Variants in RBSN observed in about 807,000 individuals in gnomAD.
RBSN encodes the protein rabenosyn-5.
A neutral mutation model predicts 60.5 loss-of-function variants in RBSN; 34 were observed. That is an observed-to-expected ratio of 0.56 (90% CI 0.43 to 0.75). RBSN has a LOEUF of 0.75. Ranked by LOEUF, RBSN falls within the 30% of genes least tolerant of loss-of-function variation. The pLI is 0.00. For synonymous variants in RBSN, 322 were observed against 366.9 expected, an observed-to-expected ratio of 0.88 and a Z score of 1.40; for missense variants, 845 against 986.8, an observed-to-expected ratio of 0.86 and a Z score of 1.92.
In RBSN at chr3:15,074,637, C is replaced by G. The variant is rs1309317967; in HGVS notation, c.1500G>C (p.Gln500His). The change falls in exon 14 of 14, where the codon CAG becomes CAC. Residue 500 changes from glutamine (Q) to histidine (H), a missense_variant. By Grantham distance (24) the Gln-to-His change is conservative (BLOSUM62 0). Coordinates refer to ENST00000253699, the MANE Select transcript of RBSN (RefSeq NM_022340.4). This position sits in a 1 kb window ranked among gnomAD's most constrained non-coding sequence, Gnocchi z 6.4. ...RQLQDEYDQQQTEKAIELSRR... is the reference protein window; with the variant it reads ...RQLQDEYDQQHTEKAIELSRR... ...GGGACAGCTCGATGGCCTTCTCTGT[C>G]TGCTGCTGGTCATACTCGTCCTGCA... 2.5e-6 allele frequency: 4 copies of G among 1,614,270 alleles called. No homozygotes were observed. Among genetic ancestry groups the G allele is most frequent in the Non-Finnish European group, 3.4e-6 (4 of 1,180,036 alleles).
At chr3:15,093,216 G>A (rs1485974997) in intron 4 of RBSN, among the ~76,000 whole-genome samples, 5 of 152,186 alleles carry the variant, frequency 3.3e-5, no homozygotes, top group Admixed American at 1.3e-4. Context: ...AAATGGAGAC[G>A]TAATCTGCTT....
Position 15,073,166 on chromosome 3 carries a change from G to A in RBSN, c.*616C>T, listed in dbSNP as rs1041120588. ...CACCCCACCTTAAAAAGAGGTGCTGGGCTCTCCTGGGTCTAAACTCTCCCC... is the reference window on the plus strand; with the variant it reads ...CACCCCACCTTAAAAAGAGGTGCTGAGCTCTCCTGGGTCTAAACTCTCCCC... On this transcript the variant is annotated 3_prime_UTR_variant, in exon 14 of 14. Transcript: ENST00000253699. 6 of 152,514 alleles carry A rather than the reference G, an allele frequency of 3.9e-5. No homozygotes were observed. The highest frequency in any genetic ancestry group is 3.3e-4 in the Admixed American group (5 of 15,270). 9.4% of individuals were successfully genotyped at this position (152,514 alleles called of 1,614,324 possible).
At chr3:15,081,965 T>C (rs1425165596) in intron 9 of RBSN, among the ~76,000 whole-genome samples, 4 of 152,200 alleles carry the variant, frequency 2.6e-5, no homozygotes, top group African/African-American at 9.7e-5. Flanking sequence ...TGTAGAACTT[T>C]CTAAAACTTG....
In RBSN at chr3:15,082,137, CAAG is replaced by C. The variant is rs375698312; in HGVS notation, c.840+227_840+229del. ...ACCAAAGCTTCCACCCACCTGCTTT[CAAG>C]TGGCCAAGGAAGGCCACTTGAAACG... On this transcript the variant is annotated intron_variant, in intron 9 of 13. Coordinates refer to ENST00000253699, the MANE Select transcript of RBSN (RefSeq NM_022340.4). This position sits in a 1 kb window ranked among gnomAD's most constrained non-coding sequence, Gnocchi z 4.2. Among the ~76,000 whole-genome samples, 849 of 152,288 alleles carry C rather than the reference CAAG, an allele frequency of 5.6e-3. 7 individuals carry two copies. The highest frequency in any genetic ancestry group is 0.019 in the African/African-American group (771 of 41,560).
chr3:15,082,446 T>G lies in RBSN; in HGVS notation c.761A>C (p.His254Pro). The G allele has an allele frequency of 6.2e-7, 1 of 1,614,136 alleles. No individual in the cohort carries two copies. The highest frequency in any genetic ancestry group is 8.5e-7 in the Non-Finnish European group (1 of 1,180,018). ...TCTCTTGAGCAGCGTGTCCTTGCAG[T>G]GTGTACAGCAGCGGATCCGGTCATC... ...KDDDRIRCCT[H>P]CKDTLLKREQ... is the part of the protein sequence containing the mutation. Residue 254 changes from histidine to proline, a missense_variant, in exon 9 of 14, where the codon CAC becomes CCC. Physicochemically the swap from His to Pro is moderately conservative, Grantham distance 77 (BLOSUM62 -2). Transcript: ENST00000253699. This position sits in a 1 kb window ranked among gnomAD's most constrained non-coding sequence, Gnocchi z 4.2.
intron 5 of RBSN, among the ~76,000 whole-genome samples, chr3:15,090,089 C>T (rs1357188774): frequency 7.9e-5 from 12 of 152,100 alleles, no homozygotes; most frequent in Non-Finnish European, 1.5e-4. Context: ...CCTGGGCTGA[C>T]GTCAGAGAGA....
chr3:15,085,125 G>A (rs2043305861), intron 6 of RBSN, 80 bp from the exon 7 acceptor site: 2 of 1,510,660 alleles, frequency 1.3e-6, no homozygotes, highest in South Asian at 2.3e-5. Flanking sequence ...CATCAAGTGG[G>A]AAATTAGCAC....
chr3:15,084,105 T>C lies in RBSN; in HGVS notation c.598+630A>G, dbSNP rs1420565575. ...TCTCAAACTAAGTATAATTTTCACA[T>C]TGCTATTTTATTTTATTTATTTATT... is the stretch of plus-strand genomic sequence containing the variant. On this transcript the variant is annotated intron_variant, in intron 8 of 13. Coordinates refer to ENST00000253699, the MANE Select transcript of RBSN (RefSeq NM_022340.4). The surrounding 1 kb of genome is among the most constrained non-coding windows in gnomAD (Gnocchi z 4.2). Among the ~76,000 whole-genome samples the C allele has an allele frequency of 6.6e-6, 1 of 152,120 alleles. No individual in the cohort carries two copies. Among genetic ancestry groups the C allele is most frequent in the African/African-American group, 2.4e-5 (1 of 41,418 alleles).
In RBSN at chr3:15,074,998, C is replaced by T. The variant is rs2043019016; in HGVS notation, c.1207-68G>A. 1 of 1,513,218 alleles carries T rather than the reference C, an allele frequency of 6.6e-7. No homozygotes were observed. The highest frequency in any genetic ancestry group is 1.3e-5 in the South Asian group (1 of 77,890). 93.7% of individuals were successfully genotyped at this position (1,513,218 alleles called of 1,614,324 possible). ...TGGCAGCAGCCCACACTGTCACCCA[C>T]CCTCTGTTGTCCCTCTATCCCTGTG... is the stretch of plus-strand genomic sequence containing the variant. On this transcript the variant is annotated intron_variant, in intron 13 of 13. Coordinates refer to ENST00000253699, the MANE Select transcript of RBSN (RefSeq NM_022340.4). This position sits in a 1 kb window ranked among gnomAD's most constrained non-coding sequence, Gnocchi z 6.4.
chr3:15,085,894 C>T lies in RBSN; in HGVS notation c.357G>A (p.Val119=), dbSNP rs1383756061. The T allele has an allele frequency of 1.9e-6, 3 of 1,613,866 alleles. No homozygotes were observed. Among genetic ancestry groups the T allele is most frequent in the Non-Finnish European group, 2.5e-6 (3 of 1,179,974 alleles). ...ACCTGATTATTAGTTTATTGACTTCCACAACATAGTGGTCAATTCTAGCAG... is the reference window on the plus strand; with the variant it reads ...ACCTGATTATTAGTTTATTGACTTCTACAACATAGTGGTCAATTCTAGCAG... The part of the protein sequence containing the change: ...HRAARIDHYV[V]EVNKLIIRLE... The change falls in exon 6 of 14, where the codon GTG becomes GTA. Residue 119 remains valine (V), a synonymous_variant. Coordinates refer to ENST00000253699, the MANE Select transcript of RBSN (RefSeq NM_022340.4).
chr3:15,074,663 G>C lies in RBSN; in HGVS notation c.1474C>G (p.Leu492Val), dbSNP rs2043006443. The C allele has an allele frequency of 2.5e-6, 4 of 1,614,146 alleles. No individual in the cohort carries two copies. Among genetic ancestry groups the C allele is most frequent in the Non-Finnish European group, 3.4e-6 (4 of 1,180,054 alleles). ...VRTLQENLRQ[L>V]QDEYDQQQTE... ...TGCTGCTGGTCATACTCGTCCTGCAGCTGCCGCAGGTTCTCCTGCAGAGTG... is the reference window on the plus strand; with the variant it reads ...TGCTGCTGGTCATACTCGTCCTGCACCTGCCGCAGGTTCTCCTGCAGAGTG... Residue 492 changes from leucine (L) to valine (V), a missense_variant, in exon 14 of 14, where the codon CTG becomes GTG. Leu to Val is a conservative substitution (Grantham distance 32). Coordinates refer to ENST00000253699, the MANE Select transcript of RBSN (RefSeq NM_022340.4). The surrounding 1 kb of genome is among the most constrained non-coding windows in gnomAD (Gnocchi z 6.4).
At position 15,084,161 on chromosome 3, in the gene RBSN, C is replaced by T. The variant is rs887238822; in HGVS notation, c.598+574G>A. 2.0e-5 allele frequency among the ~76,000 whole-genome samples: 3 copies of T among 152,132 alleles called. No homozygotes were observed. The highest frequency in any genetic ancestry group is 7.2e-5 in the African/African-American group (3 of 41,422). Reference sequence around the variant, plus strand: ...GAGATGGGAGTCTCGCTCGGTCACCCAGGCTGAAGTGCAGTGGCTCAATCT... The same window carrying T: ...GAGATGGGAGTCTCGCTCGGTCACCTAGGCTGAAGTGCAGTGGCTCAATCT... On this transcript the variant is annotated intron_variant, in intron 8 of 13. Transcript: ENST00000253699. The surrounding 1 kb of genome is among the most constrained non-coding windows in gnomAD (Gnocchi z 4.2).
In RBSN at chr3:15,074,391, G is replaced by T. The variant is rs138292378; in HGVS notation, c.1746C>A (p.Ser582Arg). 3 of 1,614,042 alleles carry T rather than the reference G, an allele frequency of 1.9e-6. No homozygotes were observed. The highest frequency in any genetic ancestry group is 2.7e-5 in the African/African-American group (2 of 74,922). The change falls in exon 14 of 14, where the codon AGC (serine) becomes AGA (arginine). Residue 582 changes from serine to arginine, a missense_variant. By Grantham distance (110) the Ser-to-Arg change is moderately radical. Coordinates refer to ENST00000253699, the MANE Select transcript of RBSN (RefSeq NM_022340.4). This position sits in a 1 kb window ranked among gnomAD's most constrained non-coding sequence, Gnocchi z 6.4. Reference sequence around the variant, plus strand: ...GTGAAGGGGTCTTGGGAGCTGTGCTGCTTGGAACTGGGGAAGAGCCTAGAT... The same window carrying T: ...GTGAAGGGGTCTTGGGAGCTGTGCTTCTTGGAACTGGGGAAGAGCCTAGAT... Reference protein sequence around the residue: ...ALDLGSSPVPSSTAPKTPSLS... With the variant: ...ALDLGSSPVPRSTAPKTPSLS...
In RBSN at chr3:15,077,144, C is replaced by A; in HGVS notation, c.1019G>T (p.Gly340Val). The A allele has an allele frequency of 6.2e-7, 1 of 1,613,928 alleles. No individual in the cohort carries two copies. Among genetic ancestry groups the A allele is most frequent in the Non-Finnish European group, 8.5e-7 (1 of 1,179,926 alleles). Residue 340 changes from glycine to valine, a missense_variant, in exon 12 of 14, where the codon GGC becomes GTC. Coordinates refer to ENST00000253699, the MANE Select transcript of RBSN (RefSeq NM_022340.4). The surrounding 1 kb of genome is among the most constrained non-coding windows in gnomAD (Gnocchi z 4.4). ...DALSKKILTL[G>V]LNQDPPPHPS... ...ATGTGGTGGAGGGTCCTGGTTCAAGCCCAAGGTTAAGATCTTCTTACTGAA... is the reference window on the plus strand; with the variant it reads ...ATGTGGTGGAGGGTCCTGGTTCAAGACCAAGGTTAAGATCTTCTTACTGAA...
At chr3:15,086,940 C>T (rs892147573) in intron 5 of RBSN, among the ~76,000 whole-genome samples, 2 of 152,280 alleles carry the variant, frequency 1.3e-5, no homozygotes, top group Admixed American at 6.5e-5. Context: ...TCAACCCTCC[C>T]GGCACTCAGT....
rs1559355802 is a variant in RBSN at position 15,096,612 on chromosome 3, CT to C, written c.-247del. 1 of 152,694 alleles carries C rather than the reference CT, an allele frequency of 6.5e-6. No homozygotes were observed. Among genetic ancestry groups the C allele is most frequent in the East Asian group, 1.9e-4 (1 of 5,182 alleles). 9.5% of individuals were successfully genotyped at this position (152,694 alleles called of 1,614,324 possible). A position where few individuals can be genotyped will look rare whatever the true frequency, so the allele number is the denominator to read the frequency against. ...GCCACTTCAGCCACTGGGGGAATGTCTGAAGTACTTATCAACAAGCAGAAGT... is the reference window on the plus strand; with the variant it reads ...GCCACTTCAGCCACTGGGGGAATGTCGAAGTACTTATCAACAAGCAGAAGT... On this transcript the variant is annotated 5_prime_UTR_variant, in exon 3 of 14. Coordinates refer to ENST00000253699, the MANE Select transcript of RBSN (RefSeq NM_022340.4).
At chr3:15,093,365 G>A (rs1033111156) in intron 4 of RBSN, among the ~76,000 whole-genome samples, 1 of 152,192 alleles carries the variant, frequency 6.6e-6, no homozygotes, top group Non-Finnish European at 1.5e-5. Context: ...TAGAGGTAGA[G>A]ATGTCGGGGG....
In RBSN at chr3:15,096,140, C is replaced by G. The variant is rs746543226; in HGVS notation, c.-20G>C. ...AGCCATGGCAGTGCCGCTCTCAACC[C>G]TAGGAAGGCAGGAATCTCATGCCAA... is the stretch of plus-strand genomic sequence containing the variant. On this transcript the variant is annotated 5_prime_UTR_variant, in exon 4 of 14. It removes the in-frame stop codon of an upstream open reading frame in the 5' UTR. Coordinates refer to ENST00000253699, the MANE Select transcript of RBSN (RefSeq NM_022340.4). The G allele has an allele frequency of 7.8e-6, 12 of 1,537,988 alleles. No individual in the cohort carries two copies. In the Admixed American group the frequency reaches 2.6e-4, roughly 33 times the overall value.
rs993551614 is a variant in RBSN at position 15,077,144 on chromosome 3, C to G, written c.1019G>C (p.Gly340Ala). The G allele has an allele frequency of 1.9e-6, 3 of 1,613,810 alleles. No homozygotes were observed. Among genetic ancestry groups the G allele is most frequent in the African/African-American group, 2.7e-5 (2 of 74,884 alleles). ...ATGTGGTGGAGGGTCCTGGTTCAAG[C>G]CCAAGGTTAAGATCTTCTTACTGAA... ...DALSKKILTL[G>A]LNQDPPPHPS... The change falls in exon 12 of 14, where the codon GGC becomes GCC. Residue 340 changes from glycine (G) to alanine (A), a missense_variant. By Grantham distance (60) the Gly-to-Ala change is moderately conservative. Transcript: ENST00000253699. The surrounding 1 kb of genome is among the most constrained non-coding windows in gnomAD (Gnocchi z 4.4).
Sources: gnomAD v4.1 joint callset for allele counts (sites outside exome capture counted in the v4.1 genomes callset) on GRCh38, gnomAD v4.1.1 for gene constraint, Gnocchi (gnomAD v3.1) non-coding constraint, MANE v1.5 for transcripts, NCBI Gene and HGNC (gene_info 2026-07-23, HGNC 2026-07-21) for gene names.